IMPG1: variants seen among roughly 807,000 people sequenced by gnomAD.
IMPG1 encodes the protein interphotoreceptor matrix proteoglycan 1, also known as interphotoreceptor matrix proteoglycan of 150 kDa.
IMPG1 carries 85 observed loss-of-function variants against 92.0 expected under a neutral mutation model. The observed-to-expected ratio is 0.92, with a 90% CI of 0.78 to 1.11. The LOEUF is 1.11. Ranked by LOEUF, IMPG1 falls within the 50% of genes least tolerant of loss-of-function variation. The probability of loss-of-function intolerance (pLI) is 0.00; values close to 1 mark genes in which losing one functional copy is unlikely to be tolerated. For missense variants in IMPG1, 1,022 were observed against 956.0 expected (o/e 1.07, Z -0.91); for synonymous variants, 367 against 334.1 (o/e 1.10, Z -1.08).
rs138870165 is a variant in IMPG1, at chr6:76,052,320, G to C, written c.68-10194C>G. On this transcript the variant is annotated intron_variant, in intron 1 of 16. Coordinates refer to ENST00000369950, the MANE Select transcript of IMPG1 (RefSeq NM_001563.4). The stretch of plus-strand genomic sequence containing the variant: ...GTGAGAGGGCAGGGCATATTGAGAA[G>C]AGGAGGAGTGTTCTTTCTCAAAGCT... Among the ~76,000 whole-genome samples the C allele has an allele frequency of 2.6e-3, 396 of 152,322 alleles. 1 individual carries two copies. Among genetic ancestry groups the C allele is most frequent in the Non-Finnish European group, 4.9e-3 (330 of 68,020 alleles).
intron 5 of IMPG1, among the ~76,000 whole-genome samples, chr6:76,023,432 C>T (rs1783469196): frequency 6.6e-6 from 1 of 152,190 alleles, no homozygotes; most frequent in African/African-American, 2.4e-5. Context: ...GGCTATCCTT[C>T]CATTTTATTG....
intron 7 of IMPG1, among the ~76,000 whole-genome samples, chr6:76,018,025 G>C (rs959525569): frequency 6.6e-6 from 1 of 152,290 alleles, no homozygotes; most frequent in Middle Eastern, 3.4e-3. Context: ...TTACAGGCAT[G>C]AGCCACCGCG....
chr6:76,014,494 G>A (rs1441679403), intron 7 of IMPG1, among the ~76,000 whole-genome samples: 1 of 152,194 alleles, frequency 6.6e-6, no homozygotes, highest in Admixed American at 6.5e-5. Flanking sequence ...CTGAGGGCAG[G>A]CAGGAAGGTC....
intron 15 of IMPG1, among the ~76,000 whole-genome samples, chr6:75,924,671 T>TATATATC (rs1491195479): frequency 1.0e-4 from 1 of 9,936 alleles, no homozygotes; most frequent in East Asian, 4.5e-3. Context: ...TATAATAAAT[T>TATATATC]ATATATTATA....
At chr6:76,011,290 A>G (rs1783180883) in intron 7 of IMPG1, 66 bp from the exon 8 acceptor site, 1 of 789,590 alleles carries the variant, frequency 1.3e-6, no homozygotes. Flanking sequence ...GCCTAACTGA[A>G]AAACCTGAAC....
intron 14 of IMPG1, among the ~76,000 whole-genome samples, chr6:75,932,195 C>CA (rs1363854506): frequency 6.6e-6 from 1 of 152,220 alleles, no homozygotes; most frequent in African/African-American, 2.4e-5. Context: ...TGACTGGTCT[C>CA]ACGGCCATCC....
chr6:76,026,293 C>A (rs1350724816), intron 4 of IMPG1, among the ~76,000 whole-genome samples: 1 of 152,136 alleles, frequency 6.6e-6, no homozygotes, highest in Non-Finnish European at 1.5e-5. Context: ...ATAAGTCCTG[C>A]AACATTTTTT....
chr6:75,986,459 T>A (rs1352889814), intron 12 of IMPG1, among the ~76,000 whole-genome samples: 1 of 152,106 alleles, frequency 6.6e-6, no homozygotes, highest in Non-Finnish European at 1.5e-5. Flanking sequence ...ATGGGCAAAT[T>A]GGTTTTGAAT....
chr6:75,978,204 C>T (rs1782570555), intron 12 of IMPG1, among the ~76,000 whole-genome samples: 1 of 152,068 alleles, frequency 6.6e-6, no homozygotes, highest in Admixed American at 6.6e-5. Flanking sequence ...TTACTTAATA[C>T]TCGAAAACCT....
At chr6:76,010,571 A>G (rs972908196) in intron 8 of IMPG1, among the ~76,000 whole-genome samples, 5 of 152,122 alleles carry the variant, frequency 3.3e-5, no homozygotes, top group African/African-American at 7.2e-5. Context: ...TTAAAATTTT[A>G]ATTTAGTAAT....
chr6:76,058,273 T>G (rs1784152896), intron 1 of IMPG1, among the ~76,000 whole-genome samples: 1 of 152,156 alleles, frequency 6.6e-6, no homozygotes, highest in Admixed American at 6.6e-5. Context: ...AGTGAGTGTT[T>G]GGATAAACTC....
At chr6:76,046,008 T>C (rs2127595246) in intron 1 of IMPG1, among the ~76,000 whole-genome samples, 1 of 152,274 alleles carries the variant, frequency 6.6e-6, no homozygotes, top group East Asian at 1.9e-4. Flanking sequence ...GAGTGTAACC[T>C]ACTTGATGAT....
chr6:75,938,061 A>G (rs1781777730), intron 14 of IMPG1, among the ~76,000 whole-genome samples: 3 of 152,228 alleles, frequency 2.0e-5, no homozygotes, highest in South Asian at 2.1e-4. Flanking sequence ...CAGTTGATAA[A>G]TCACAGAAAG....
intron 12 of IMPG1, among the ~76,000 whole-genome samples, chr6:76,001,909 T>C: frequency 6.6e-6 from 1 of 152,216 alleles, no homozygotes; most frequent in East Asian, 1.9e-4. Flanking sequence ...TATAATTAAT[T>C]CTGCTATCAT....
intron 12 of IMPG1, among the ~76,000 whole-genome samples, chr6:75,997,373 C>T (rs959693610): frequency 3.3e-5 from 5 of 152,156 alleles, no homozygotes; most frequent in Non-Finnish European, 5.9e-5. Context: ...ACCCTTTCAT[C>T]CTAAAGTGGA....
At chr6:76,029,111 AC>A (rs1004601121) in intron 4 of IMPG1, among the ~76,000 whole-genome samples, 3 of 152,202 alleles carry the variant, frequency 2.0e-5, no homozygotes, top group African/African-American at 7.2e-5. Context: ...CTGGCCTAAT[AC>A]CCTTGTCTAT....
At chr6:75,990,255 A>G (rs1411795640) in intron 12 of IMPG1, among the ~76,000 whole-genome samples, 1 of 152,198 alleles carries the variant, frequency 6.6e-6, no homozygotes, top group Non-Finnish European at 1.5e-5. Flanking sequence ...TCCTGCTAAA[A>G]CACATTATTT....
At chr6:75,926,951 G>A (rs776447191) in intron 15 of IMPG1, among the ~76,000 whole-genome samples, 11 of 152,170 alleles carry the variant, frequency 7.2e-5, no homozygotes, top group Non-Finnish European at 1.5e-4. Context: ...TCTCAGGAGG[G>A]CACCTGCCTT....
chr6:75,937,838 G>A (rs2149452725), intron 14 of IMPG1, among the ~76,000 whole-genome samples: 1 of 152,286 alleles, frequency 6.6e-6, no homozygotes, highest in East Asian at 1.9e-4. Flanking sequence ...CGGCCTTGAG[G>A]GCTGTCCATT....
Sources: gnomAD v4.1 joint callset for allele counts (sites outside exome capture counted in the v4.1 genomes callset) on GRCh38, gnomAD v4.1.1 for gene constraint, MANE v1.5 for transcripts, NCBI Gene and HGNC (gene_info 2026-07-23, HGNC 2026-07-21) for gene names.